PITPNB: variants seen among roughly 807,000 people sequenced by gnomAD.
PITPNB encodes phosphatidylinositol transfer protein beta.
Under a neutral mutation model 45.9 loss-of-function variants are expected in PITPNB, and 16 were observed. The observed-to-expected ratio is 0.35, with a 90% CI of 0.24 to 0.53. The LOEUF (loss-of-function observed/expected upper bound fraction) is 0.53. PITPNB is among the 20% of genes least tolerant of loss of function. The probability of loss-of-function intolerance (pLI) is 0.93; values close to 1 mark genes in which losing one functional copy is unlikely to be tolerated. For synonymous variants in PITPNB, 112 were observed against 108.9 expected (o/e 1.03, Z -0.18); for missense variants, 188 against 330.5 (o/e 0.57, Z 3.34).
intron 7 of PITPNB, among the ~76,000 whole-genome samples, chr22:27,883,705 C>A (rs1935037234): frequency 6.6e-6 from 1 of 152,204 alleles, no homozygotes; most frequent in Admixed American, 6.5e-5. Context: ...AAAATGCTCC[C>A]CAGCGACCCT....
At chr22:27,858,647 T>A (rs951679923) in intron 9 of PITPNB, 138 bp from the exon 10 acceptor site, 2 of 608,392 alleles carry the variant, frequency 3.3e-6, no homozygotes, top group Admixed American at 7.1e-5. Context: ...TTTGTGGAAA[T>A]CATAATTCCA....
At chr22:27,883,249 G>A (rs1445997849) in intron 7 of PITPNB, among the ~76,000 whole-genome samples, 3 of 152,180 alleles carry the variant, frequency 2.0e-5, no homozygotes, top group African/African-American at 7.2e-5. Context: ...AGTTGTTCTC[G>A]AATGACAAAA....
rs537528987 is a variant in PITPNB at position 27,888,790 on chromosome 22, A to T, written c.456+5765T>A. 2.4e-4 allele frequency among the ~76,000 whole-genome samples: 36 copies of T among 152,318 alleles called. 1 individual carries two copies. The South Asian group carries it at 7.5e-3, about 32-fold the overall frequency. ...TTTGGACAGAGAAAGGAGTCCCAGA[A>T]AGGAGGTGAGAACAAGTAGTGTGTT... On this transcript the variant is annotated intron_variant, in intron 7 of 11. Transcript: ENST00000335272.
intron 8 of PITPNB, among the ~76,000 whole-genome samples, chr22:27,867,386 T>C (rs1275766685): frequency 1.3e-5 from 2 of 152,096 alleles, no homozygotes; most frequent in Non-Finnish European, 2.9e-5. Flanking sequence ...GTGGGGTAAA[T>C]GGAAAATATT....
intron 11 of PITPNB, 140 bp from the exon 12 acceptor site, chr22:27,853,803 C>T (rs961505242): frequency 3.9e-5 from 26 of 664,352 alleles, no homozygotes; most frequent in Non-Finnish European, 7.0e-5. Context: ...TTACAATTTT[C>T]ATCTGTTCAA....
At chr22:27,912,962 G>A (rs1049849986) in intron 2 of PITPNB, among the ~76,000 whole-genome samples, 64 of 122,912 alleles carry the variant, frequency 5.2e-4, no homozygotes, top group African/African-American at 1.9e-3. Flanking sequence ...CAGCCTGGGC[G>A]ATAGAGCAAG....
rs778897818 is a variant in PITPNB at position 27,886,078 on chromosome 22, C to G, written c.456+8477G>C. Among the ~76,000 whole-genome samples, 9 of 152,286 alleles carry G rather than the reference C, an allele frequency of 5.9e-5. No homozygotes were observed. In the South Asian group the frequency reaches 8.3e-4, roughly 14 times the overall value. ...TGCTGGAGCATGGTGTACTCTGTGA[C>G]CACTGGGATGACCAGCAGAAGGACG... is the stretch of plus-strand genomic sequence containing the variant. On this transcript the variant is annotated intron_variant, in intron 7 of 11. Transcript: ENST00000335272.
intron 11 of PITPNB, among the ~76,000 whole-genome samples, chr22:27,853,935 A>AT (rs35748712): frequency 0.5 from 75,006 of 149,024 alleles, 19,110 homozygotes; most frequent in East Asian, 0.63. Flanking sequence ...AATAACTTAA[A>AT]TTTTTTTTTT....
chr22:27,861,935 G>A (rs1244557985), intron 8 of PITPNB, among the ~76,000 whole-genome samples: 1 of 152,156 alleles, frequency 6.6e-6, no homozygotes, highest in Non-Finnish European at 1.5e-5. Flanking sequence ...TGAACAAATT[G>A]CCTCATAAGA....
intron 10 of PITPNB, among the ~76,000 whole-genome samples, chr22:27,858,099 T>TA (rs1202576325): frequency 6.6e-6 from 1 of 152,160 alleles, no homozygotes; most frequent in Non-Finnish European, 1.5e-5. Context: ...CCTACAGAAC[T>TA]AAAGCTAGTG....
chr22:27,904,236 G>A (rs1311818073), intron 3 of PITPNB, among the ~76,000 whole-genome samples: 1 of 152,176 alleles, frequency 6.6e-6, no homozygotes, highest in Non-Finnish European at 1.5e-5. Context: ...CAACCCAAAT[G>A]TTCAACAACT....
intron 10 of PITPNB, 28 bp from the exon 11 acceptor site, chr22:27,854,967 CT>C: frequency 6.5e-7 from 1 of 1,534,194 alleles, no homozygotes; most frequent in African/African-American, 1.4e-5. Context: ...TTGTGAGCTG[CT>C]GAAATCAGAC....
At chr22:27,861,119 T>C (rs1934318415) in intron 8 of PITPNB, among the ~76,000 whole-genome samples, 2 of 148,336 alleles carry the variant, frequency 1.3e-5, no homozygotes, top group African/African-American at 2.5e-5. Flanking sequence ...TCACTTGAGG[T>C]CAGGAGTTCG....
intron 3 of PITPNB, among the ~76,000 whole-genome samples, chr22:27,906,204 A>G (rs974167456): frequency 5.3e-5 from 8 of 152,224 alleles, no homozygotes; most frequent in African/African-American, 1.4e-4. Context: ...AAGGGGCTGA[A>G]AAAAACGCTC....
intron 6 of PITPNB, among the ~76,000 whole-genome samples, chr22:27,895,315 T>C (rs1302926728): frequency 6.6e-6 from 1 of 152,010 alleles, no homozygotes; most frequent in Non-Finnish European, 1.5e-5. Context: ...AAAGGCTGGG[T>C]GCAGTGGCTC....
At chr22:27,917,519 T>C (rs982219439) in intron 1 of PITPNB, among the ~76,000 whole-genome samples, 1 of 152,230 alleles carries the variant, frequency 6.6e-6, no homozygotes, top group African/African-American at 2.4e-5. Flanking sequence ...TATAAACGAC[T>C]TGGAAGAAAA....
chr22:27,911,186 T>A (rs982102574), intron 2 of PITPNB, 77 bp from the exon 3 acceptor site: 7 of 953,634 alleles, frequency 7.3e-6, no homozygotes, highest in African/African-American at 1.6e-5. Context: ...ATCTTAATAA[T>A]ATAGATGATA....
rs1162213063 is a variant in PITPNB at position 27,883,103 on chromosome 22, C to G, written c.457-9288G>C. On this transcript the variant is annotated intron_variant, in intron 7 of 11. Coordinates refer to ENST00000335272, the MANE Select transcript of PITPNB (RefSeq NM_012399.5). ...CAGTTGTGGGAGGAGCTGACCAAGA[C>G]TACTACTGATAAAAACTGGGGTTTC... 1.1e-4 allele frequency among the ~76,000 whole-genome samples: 16 copies of G among 152,180 alleles called. 1 individual carries two copies. Among genetic ancestry groups the G allele is most frequent in the Non-Finnish European group, 7.3e-5 (5 of 68,028 alleles).
intron 8 of PITPNB, among the ~76,000 whole-genome samples, chr22:27,861,048 A>T (rs78423384): frequency 6.8e-6 from 1 of 147,868 alleles, no homozygotes. Flanking sequence ...AAAAAAAAAA[A>T]GGCTGGGCAC....
Sources: allele counts gnomAD v4.1 joint callset (sites outside exome capture counted in the v4.1 genomes callset), GRCh38; gene constraint gnomAD v4.1.1; transcripts MANE v1.5; gene names NCBI Gene and HGNC (gene_info 2026-07-23, HGNC 2026-07-21).